Variants in KCTD17 observed in about 807,000 individuals in gnomAD.
KCTD17 encodes potassium channel tetramerization domain containing 17.
A neutral mutation model predicts 41.5 loss-of-function variants in KCTD17; 20 were observed. The observed-to-expected ratio is 0.48, with a 90% confidence interval of 0.34 to 0.70. The LOEUF (loss-of-function observed/expected upper bound fraction) is 0.70. Ranked by LOEUF, KCTD17 falls within the 30% of genes least tolerant of loss-of-function variation. The pLI, the probability that KCTD17 is intolerant of heterozygous loss-of-function variation, is 0.01. For synonymous variants in KCTD17, 156 were observed against 173.8 expected, an observed-to-expected ratio of 0.90 and a Z score of 0.80; for missense variants, 317 against 427.2, an observed-to-expected ratio of 0.74 and a Z score of 2.27.
In KCTD17 at chr22:37,062,596, A is replaced by T; in HGVS notation, c.*2A>T. ...CAGGGACTTGGGGTTCCCATCTGAA[A>T]TCCTTTATTTTTGTACCATGGGGTG... On this transcript the variant is annotated 3_prime_UTR_variant, in exon 9 of 9. Transcript: ENST00000403888. 1 of 1,612,012 alleles carries T rather than the reference A, an allele frequency of 6.2e-7. No homozygotes were observed. The highest frequency in any genetic ancestry group is 8.5e-7 in the Non-Finnish European group (1 of 1,179,174).
chr22:37,062,106 C>G, intron 8 of KCTD17: 1 of 982,364 alleles, frequency 1.0e-6, no homozygotes, highest in Non-Finnish European at 1.2e-6. Context: ...CTGTCCCTCT[C>G]TGGGCCACAA....
In KCTD17 at chr22:37,062,636, G is replaced by A. The variant is rs1314951912; in HGVS notation, c.*42G>A. Reference sequence around the variant, plus strand: ...ACCATGGGGTGGGCCCCGGGCCTGAGAAGGAAGAAGCACCCTCTCCCCGGC... The same window carrying A: ...ACCATGGGGTGGGCCCCGGGCCTGAAAAGGAAGAAGCACCCTCTCCCCGGC... On this transcript the variant is annotated 3_prime_UTR_variant, in exon 9 of 9. Coordinates refer to ENST00000403888, the MANE Select transcript of KCTD17 (RefSeq NM_001282684.2). 1.9e-6 allele frequency: 3 copies of A among 1,591,354 alleles called. No individual in the cohort carries two copies. Among genetic ancestry groups the A allele is most frequent in the Non-Finnish European group, 8.6e-7 (1 of 1,168,254 alleles).
chr22:37,056,479 G>A, intron 3 of KCTD17, 68 bp downstream of exon 3: 1 of 1,352,738 alleles, frequency 7.4e-7, no homozygotes, highest in Non-Finnish European at 1.0e-6. Flanking sequence ...TGAGAGACGG[G>A]GCGGGAAGCA....
chr22:37,054,513 A>C lies in KCTD17; in HGVS notation c.298+1305A>C, dbSNP rs540198226. ...GGGGGCTAGGGGATCACGCAGGGCTATCCGGGGGCTAGGGGATACACAGGG... is the reference window on the plus strand; with the variant it reads ...GGGGGCTAGGGGATCACGCAGGGCTCTCCGGGGGCTAGGGGATACACAGGG... On this transcript the variant is annotated intron_variant, in intron 2 of 8. Coordinates refer to ENST00000403888, the MANE Select transcript of KCTD17 (RefSeq NM_001282684.2). Among the ~76,000 whole-genome samples, 11 of 151,796 alleles carry C rather than the reference A, an allele frequency of 7.2e-5. No individual in the cohort carries two copies. In the South Asian group the frequency reaches 2.1e-3, roughly 29 times the overall value.
At chr22:37,055,987 T>G (rs1423428952) in intron 2 of KCTD17, among the ~76,000 whole-genome samples, 1 of 152,222 alleles carries the variant, frequency 6.6e-6, no homozygotes, top group Non-Finnish European at 1.5e-5. Context: ...GGCAAGGCCC[T>G]GCTCATGGTG....
intron 2 of KCTD17, among the ~76,000 whole-genome samples, chr22:37,054,445 A>G (rs994292920): frequency 2.0e-5 from 3 of 151,710 alleles, no homozygotes; most frequent in African/African-American, 7.3e-5. Context: ...CTAGGAGATC[A>G]CACAGGGCTA....
Position 37,061,151 on chromosome 22 carries a change from C to T in KCTD17, c.760C>T (p.Pro254Ser). Residue 254 changes from proline to serine, a missense_variant, in exon 7 of 9, where the codon CCT (proline) becomes TCT (serine). Physicochemically the swap from Pro to Ser is moderately conservative, Grantham distance 74 (BLOSUM62 -1). Around this residue, in one of 4 missense-constraint regions of KCTD17, gnomAD observed 177 missense variants for 194.4 expected, o/e 0.91. Coordinates refer to ENST00000403888, the MANE Select transcript of KCTD17 (RefSeq NM_001282684.2). This position sits in a 1 kb window ranked among gnomAD's most constrained non-coding sequence, Gnocchi z 6.6. Reference sequence around the variant, plus strand: ...TAACCTTTTCTCCCTCCCACCACTGCCTCCTCCTCCGCTTCCCGCTGGAGG... The same window carrying T: ...TAACCTTTTCTCCCTCCCACCACTGTCTCCTCCTCCGCTTCCCGCTGGAGG... ...PANLFSLPPL[P>S]PPPLPAGGSR... The T allele has an allele frequency of 6.4e-7, 1 of 1,551,224 alleles. No individual in the cohort carries two copies. The highest frequency in any genetic ancestry group is 8.7e-7 in the Non-Finnish European group (1 of 1,146,918).
chr22:37,055,776 G>A (rs951689753), intron 2 of KCTD17, among the ~76,000 whole-genome samples: 3 of 152,184 alleles, frequency 2.0e-5, no homozygotes, highest in African/African-American at 7.2e-5. Context: ...ATGGGCTCTG[G>A]AGTCTGCAGC....
rs916017721 is a variant in KCTD17 at position 37,062,676 on chromosome 22, C to A, written c.*82C>A. On this transcript the variant is annotated 3_prime_UTR_variant, in exon 9 of 9. Coordinates refer to ENST00000403888, the MANE Select transcript of KCTD17 (RefSeq NM_001282684.2). The stretch of plus-strand genomic sequence containing the variant: ...CTCTCCCCGGCCTCCTCTGTCTGCA[C>A]CCGTGGGGCTGTGACTTACTCCTGC... 6 of 1,551,666 alleles carry A rather than the reference C, an allele frequency of 3.9e-6. No homozygotes were observed. The highest frequency in any genetic ancestry group is 5.2e-6 in the Non-Finnish European group (6 of 1,147,422).
In KCTD17 at chr22:37,061,288, C is replaced by G; in HGVS notation, c.784+113C>G. 6.5e-7 allele frequency: 1 copy of G among 1,531,258 alleles called. No individual in the cohort carries two copies. Among genetic ancestry groups the G allele is most frequent in the South Asian group, 1.2e-5 (1 of 82,568 alleles). The allele number at this position is 1,531,258 out of a possible 1,614,324, so 94.9% of individuals were successfully genotyped here. A position where few individuals can be genotyped will look rare whatever the true frequency, so the allele number is the denominator to read the frequency against. ...TCTCTGCCTGCTCACGCCTCCATCC[C>G]GGGTCTGCCCTGGTCCCAGCCTCCC... On this transcript the variant is annotated intron_variant, in intron 7 of 8. Transcript: ENST00000403888. This position sits in a 1 kb window ranked among gnomAD's most constrained non-coding sequence, Gnocchi z 6.6.
chr22:37,051,980 C>T lies in KCTD17; in HGVS notation c.189+31C>T, dbSNP rs200219289. On this transcript the variant is annotated intron_variant, in intron 1 of 8. Transcript: ENST00000403888. Reference sequence around the variant, plus strand: ...GCCCCCGGGGTGGGCGGCGAGCGGGCGGTGGGTCCTCCGCTCGCCCGACGC... The same window carrying T: ...GCCCCCGGGGTGGGCGGCGAGCGGGTGGTGGGTCCTCCGCTCGCCCGACGC... 1,208 of 1,396,012 alleles carry T rather than the reference C, an allele frequency of 8.7e-4. 11 individuals carry two copies. The African/African-American group carries it at 0.013, about 15-fold the overall frequency. 86.5% of individuals were successfully genotyped at this position (1,396,012 alleles called of 1,614,324 possible). A position where few individuals can be genotyped will look rare whatever the true frequency, so the allele number is the denominator to read the frequency against.
intron 5 of KCTD17, 43 bp from the exon 6 acceptor site, chr22:37,060,780 T>C: frequency 6.9e-7 from 1 of 1,458,700 alleles, no homozygotes; most frequent in Non-Finnish European, 9.1e-7. Flanking sequence ...CCTCTGTTAG[T>C]GTCTCCACTC....
At chr22:37,059,241 A>T in intron 4 of KCTD17, 72 bp from the exon 5 acceptor site, 1 of 1,592,344 alleles carries the variant, frequency 6.3e-7, no homozygotes, top group Middle Eastern at 1.7e-4. Context: ...TTGAGTGCCG[A>T]GGTCTGTCGT....
intron 5 of KCTD17, among the ~76,000 whole-genome samples, chr22:37,059,962 CAGG>C (rs1234192866): frequency 6.6e-6 from 1 of 152,234 alleles, no homozygotes; most frequent in Non-Finnish European, 1.5e-5. Context: ...GCCCCTTTCC[CAGG>C]CCCCCTCCTT....
At chr22:37,056,441 G>C in intron 3 of KCTD17, 30 bp downstream of exon 3, 1 of 1,574,774 alleles carries the variant, frequency 6.4e-7, no homozygotes. Context: ...CACACGGCCA[G>C]GGCAGGGGCC....
chr22:37,054,799 C>T (rs1246730695), intron 2 of KCTD17, among the ~76,000 whole-genome samples: 2 of 152,138 alleles, frequency 1.3e-5, no homozygotes, highest in African/African-American at 2.4e-5. Context: ...GGATAATTCT[C>T]GTAATCAGGC....
intron 2 of KCTD17, chr22:37,055,142 CG>C (rs1187207483): frequency 1.3e-5 from 2 of 152,406 alleles, no homozygotes; most frequent in Non-Finnish European, 2.9e-5. Context: ...AGCAGGGGAG[CG>C]CAGCTACTCA....
chr22:37,054,718 G>T (rs1274293297), intron 2 of KCTD17, among the ~76,000 whole-genome samples: 9 of 152,168 alleles, frequency 5.9e-5, no homozygotes, highest in African/African-American at 2.2e-4. Context: ...ATGGAGCTCA[G>T]TTCCTGGCCG....
At chr22:37,062,333 G>A in intron 8 of KCTD17, 192 bp from the exon 9 acceptor site, 1 of 984,854 alleles carries the variant, frequency 1.0e-6, no homozygotes, top group Non-Finnish European at 1.2e-6. Flanking sequence ...ACTCAGTTCT[G>A]AATCCACCTT....
Sources: allele counts gnomAD v4.1 joint callset (sites outside exome capture counted in the v4.1 genomes callset), GRCh38; gene constraint gnomAD v4.1.1; regional missense constraint gnomAD v4.1.1; non-coding constraint Gnocchi (gnomAD v3.1); transcripts MANE v1.5; gene names NCBI Gene and HGNC (gene_info 2026-07-23, HGNC 2026-07-21).